The following KANK1 variants were observed in gnomAD, a reference collection of about 807,000 sequenced individuals.
KANK1 encodes KN motif and ankyrin repeat domain-containing protein 1.
Under a neutral mutation model 106.2 loss-of-function variants are expected in KANK1, and 109 were observed. The ratio of observed to expected loss-of-function variants is 1.03; its 90% confidence interval spans 0.88 to 1.20. The LOEUF (loss-of-function observed/expected upper bound fraction) is 1.20. Ranked by LOEUF, KANK1 falls within the 50% of genes most tolerant of loss-of-function variation. KANK1 has a pLI of 0.00. For missense variants in KANK1, 2,399 were observed against 1,710.7 expected (o/e 1.40, Z -7.10); for synonymous variants, 873 against 652.2 (o/e 1.34, Z -5.16).
chr9:551,481 C>T (rs1490730552), intron 1 of KANK1, among the ~76,000 whole-genome samples: 2 of 152,168 alleles, frequency 1.3e-5, no homozygotes, highest in Non-Finnish European at 2.9e-5. Flanking sequence ...ATTTACTTTT[C>T]ATCTGACAAT....
chr9:629,211 G>A (rs7031403), intron 1 of KANK1, among the ~76,000 whole-genome samples: 24,191 of 151,972 alleles, frequency 0.16, 3,233 homozygotes, highest in African/African-American at 0.32. Context: ...GCTCCCAGCC[G>A]CTGATGGGGT....
intron 1 of KANK1, among the ~76,000 whole-genome samples, chr9:632,508 T>A (rs1835987134): frequency 6.6e-6 from 1 of 152,096 alleles, no homozygotes; most frequent in Non-Finnish European, 1.5e-5. Context: ...AGATGGAGGT[T>A]TTATGAAAAA....
In KANK1 at chr9:732,237, T is replaced by C. The variant is rs557541074; in HGVS notation, c.3006-141T>C. ...AAACCACCAGGCATTTAAATAGACC[T>C]TACTTTGAACTTCTAAGTGCAGGAT... On this transcript the variant is annotated intron_variant, in intron 5 of 11. Transcript: ENST00000382297. 3.4e-5 allele frequency: 33 copies of C among 976,650 alleles called. No homozygotes were observed. In the South Asian group the frequency reaches 4.6e-4, roughly 14 times the overall value. The allele number at this position is 976,650 out of a possible 1,614,324, so 60.5% of individuals were successfully genotyped here.
intron 1 of KANK1, among the ~76,000 whole-genome samples, chr9:512,961 T>C (rs2059101511): frequency 6.6e-6 from 1 of 152,228 alleles, no homozygotes; most frequent in Non-Finnish European, 1.5e-5. Flanking sequence ...CAGTCCATTC[T>C]TTACCAGGCC....
chr9:477,392 G>T (rs2058124597), intron 3 of KANK1, among the ~76,000 whole-genome samples: 1 of 151,320 alleles, frequency 6.6e-6, no homozygotes, highest in South Asian at 2.1e-4. Context: ...TGGAGATAAA[G>T]AAAAGGATTT....
chr9:737,979 C>T (rs972600363), intron 7 of KANK1, among the ~76,000 whole-genome samples: 2 of 152,180 alleles, frequency 1.3e-5, no homozygotes, highest in Admixed American at 1.3e-4. Context: ...TAACTTCCCT[C>T]GGGTCATAAA....
intron 2 of KANK1, chr9:686,792 G>A: frequency 3.0e-6 from 3 of 985,366 alleles, no homozygotes; most frequent in East Asian, 1.1e-4. Context: ...CACACGTGCT[G>A]GAGCTGAGTG....
chr9:578,616 CAGCT>C (rs1229603770), intron 1 of KANK1, among the ~76,000 whole-genome samples: 1 of 151,998 alleles, frequency 6.6e-6, no homozygotes, highest in Non-Finnish European at 1.5e-5. Context: ...AATATGTAAA[CAGCT>C]AGATTTATGC....
At position 647,538 on chromosome 9, in the gene KANK1, G is replaced by A. The variant is rs112775572; in HGVS notation, c.-83-29352G>A. Among the ~76,000 whole-genome samples, 58 of 150,802 alleles carry A rather than the reference G, an allele frequency of 3.8e-4. 8 individuals are homozygous for A. The highest frequency in any genetic ancestry group is 1.4e-3 in the African/African-American group (56 of 40,246). On this transcript the variant is annotated intron_variant, in intron 1 of 11. Transcript: ENST00000382297. ...TTTCTAGTATAGTCTTTCATCTTAC[G>A]AAAATATATTTAATCCCCACTCTTT...
At chr9:631,104 T>C (rs1835624894) in intron 1 of KANK1, among the ~76,000 whole-genome samples, 2 of 152,188 alleles carry the variant, frequency 1.3e-5, no homozygotes, top group Admixed American at 6.5e-5. Flanking sequence ...GCTGCTGTTA[T>C]TGTTGTTTCT....
intron 3 of KANK1, among the ~76,000 whole-genome samples, chr9:728,705 CTACCTGG>C (rs1831407368): frequency 6.6e-6 from 1 of 152,154 alleles, no homozygotes; most frequent in Non-Finnish European, 1.5e-5. Context: ...ATGAAGCCTG[CTACCTGG>C]AGGCTTCATC....
chr9:630,927 C>A (rs1031983673), intron 1 of KANK1, among the ~76,000 whole-genome samples: 1 of 151,438 alleles, frequency 6.6e-6, no homozygotes, highest in Non-Finnish European at 1.5e-5. Context: ...CACACCCTAG[C>A]CTGGGTGACA....
chr9:486,243 A>G (rs561818785), intron 3 of KANK1, among the ~76,000 whole-genome samples: 23 of 152,362 alleles, frequency 1.5e-4, no homozygotes, highest in Middle Eastern at 3.4e-3. Context: ...GCAAAAGTCA[A>G]TTGCTTAACC....
intron 1 of KANK1, among the ~76,000 whole-genome samples, chr9:645,887 A>C (rs534340973): frequency 6.6e-6 from 1 of 151,106 alleles, no homozygotes; most frequent in African/African-American, 2.5e-5. Flanking sequence ...TGGTCTATAC[A>C]ACAAAAACAA....
At chr9:511,089 C>T (rs1245574103) in intron 1 of KANK1, among the ~76,000 whole-genome samples, 2 of 151,918 alleles carry the variant, frequency 1.3e-5, no homozygotes, top group African/African-American at 2.4e-5. Flanking sequence ...TACTCAATAT[C>T]GATACAAAAG....
At chr9:547,812 A>G (rs1366596727) in intron 1 of KANK1, among the ~76,000 whole-genome samples, 2 of 152,248 alleles carry the variant, frequency 1.3e-5, no homozygotes, top group South Asian at 2.1e-4. Context: ...GGACTAGCCC[A>G]TGCTGTGAAA....
chr9:677,092 T>A, intron 2 of KANK1, 83 bp downstream of exon 2: 2 of 1,248,546 alleles, frequency 1.6e-6, no homozygotes, highest in Non-Finnish European at 2.3e-6. Flanking sequence ...AATGAACGGA[T>A]AATAGCAAGT....
At chr9:675,905 T>C (rs540445672) in intron 1 of KANK1, among the ~76,000 whole-genome samples, 2 of 152,304 alleles carry the variant, frequency 1.3e-5, no homozygotes, top group South Asian at 4.1e-4. Flanking sequence ...AAGGGGTGGG[T>C]AGTTCCTGGA....
chr9:633,990 C>G (rs185716747), intron 1 of KANK1, among the ~76,000 whole-genome samples: 1 of 152,330 alleles, frequency 6.6e-6, no homozygotes, highest in East Asian at 1.9e-4. Context: ...AACCTTGAAA[C>G]AAATTGCCTT....
Sources: allele counts gnomAD v4.1 joint callset (sites outside exome capture counted in the v4.1 genomes callset), GRCh38; gene constraint gnomAD v4.1.1; transcripts MANE v1.5; gene names NCBI Gene and HGNC (gene_info 2026-07-23, HGNC 2026-07-21).